Variants in CACNG2 observed in about 807,000 individuals in gnomAD.
The protein encoded by CACNG2 is voltage-dependent calcium channel gamma-2 subunit.
CACNG2 carries 3 observed loss-of-function variants against 25.9 expected under a neutral mutation model. That is an observed-to-expected ratio of 0.12 (90% confidence interval 0.05 to 0.30). The LOEUF is 0.30. CACNG2 is among the 10% of genes least tolerant of loss of function. CACNG2 has a pLI of 1.00. For synonymous variants in CACNG2, 167 were observed against 173.3 expected, an observed-to-expected ratio of 0.96 and a Z score of 0.29; for missense variants, 341 against 432.5, an observed-to-expected ratio of 0.79 and a Z score of 1.88.
intron 1 of CACNG2, among the ~76,000 whole-genome samples, chr22:36,701,848 G>A (rs1380811523): frequency 6.6e-6 from 1 of 152,104 alleles, no homozygotes; most frequent in African/African-American, 2.4e-5. Context: ...TACCAAATAA[G>A]GATTCTTAGA....
At chr22:36,582,523 A>G (rs778195764) in intron 2 of CACNG2, among the ~76,000 whole-genome samples, 1 of 151,218 alleles carries the variant, frequency 6.6e-6, no homozygotes, top group Non-Finnish European at 1.5e-5. Context: ...TTCCTGCCTC[A>G]GCCTCCTGAG....
At chr22:36,590,635 C>A (rs887846510) in intron 1 of CACNG2, among the ~76,000 whole-genome samples, 1 of 152,192 alleles carries the variant, frequency 6.6e-6, no homozygotes, top group Non-Finnish European at 1.5e-5. Flanking sequence ...GCCGCGGCCT[C>A]CCCACTCATC....
At chr22:36,673,191 A>G (rs1936975906) in intron 1 of CACNG2, among the ~76,000 whole-genome samples, 1 of 152,158 alleles carries the variant, frequency 6.6e-6, no homozygotes, top group African/African-American at 2.4e-5. Context: ...GTGCCACTGC[A>G]CTCCAGCCTG....
At chr22:36,571,194 T>C (rs910570311) in intron 2 of CACNG2, among the ~76,000 whole-genome samples, 2 of 152,008 alleles carry the variant, frequency 1.3e-5, no homozygotes, top group Non-Finnish European at 2.9e-5. Flanking sequence ...TGGTGGCTCA[T>C]GCCTGTAATC....
At chr22:36,653,609 C>T (rs755048574) in intron 1 of CACNG2, among the ~76,000 whole-genome samples, 5 of 152,122 alleles carry the variant, frequency 3.3e-5, no homozygotes, top group South Asian at 4.1e-4. Flanking sequence ...ACAACAGAGC[C>T]GGATGATCTG....
At chr22:36,624,539 C>A (rs759473556) in intron 1 of CACNG2, among the ~76,000 whole-genome samples, 4 of 152,140 alleles carry the variant, frequency 2.6e-5, no homozygotes, top group Non-Finnish European at 5.9e-5. Flanking sequence ...AAACTGTCTC[C>A]CTCCCTGCAT....
chr22:36,673,687 G>T (rs1038075590), intron 1 of CACNG2, among the ~76,000 whole-genome samples: 3 of 152,166 alleles, frequency 2.0e-5, no homozygotes, highest in Non-Finnish European at 4.4e-5. Flanking sequence ...AGCCAGAGCA[G>T]AGGACCGCAG....
At chr22:36,593,280 T>A (rs926543) in intron 1 of CACNG2, among the ~76,000 whole-genome samples, 1 of 152,182 alleles carries the variant, frequency 6.6e-6, no homozygotes, top group Admixed American at 6.5e-5. Context: ...GGGGCTGATT[T>A]CCTGGTTGTG....
intron 1 of CACNG2, among the ~76,000 whole-genome samples, chr22:36,640,726 C>G (rs1936432129): frequency 1.3e-5 from 2 of 152,218 alleles, no homozygotes; most frequent in African/African-American, 4.8e-5. Context: ...TCCTGTGCAG[C>G]CTGTCCACCC....
At chr22:36,671,279 T>C (rs1255860030) in intron 1 of CACNG2, among the ~76,000 whole-genome samples, 3 of 152,222 alleles carry the variant, frequency 2.0e-5, no homozygotes, top group Admixed American at 1.3e-4. Context: ...AACCTTGTAG[T>C]AATACATTCT....
rs1256247025 is a variant in CACNG2, at chr22:36,568,055, G to C, written c.296-1562C>G. On this transcript the variant is annotated intron_variant, in intron 2 of 3. Coordinates refer to ENST00000300105, the MANE Select transcript of CACNG2 (RefSeq NM_006078.5). ...AGTAGAGATGGGGTTTCACTATGTT[G>C]GCCAGGCTGGTCTCAAACTCTTGAC... 2.6e-5 allele frequency among the ~76,000 whole-genome samples: 4 copies of C among 152,210 alleles called. No individual in the cohort carries two copies. In the East Asian group the frequency reaches 7.7e-4, roughly 29 times the overall value.
intron 1 of CACNG2, among the ~76,000 whole-genome samples, chr22:36,676,160 G>T (rs897479777): frequency 6.6e-6 from 1 of 152,176 alleles, no homozygotes; most frequent in Non-Finnish European, 1.5e-5. Flanking sequence ...ATATCTCTTG[G>T]GGGTATTTGC....
At chr22:36,602,629 G>A (rs950781829) in intron 1 of CACNG2, among the ~76,000 whole-genome samples, 4 of 152,074 alleles carry the variant, frequency 2.6e-5, no homozygotes, top group Admixed American at 6.5e-5. Flanking sequence ...CAGGTGATCC[G>A]CCTGCCTCAG....
intron 1 of CACNG2, among the ~76,000 whole-genome samples, chr22:36,610,454 G>A (rs143770063): frequency 6.6e-6 from 1 of 152,230 alleles, no homozygotes; most frequent in Admixed American, 6.5e-5. Context: ...GTAAAGAGTG[G>A]TATTGAGACT....
intron 1 of CACNG2, among the ~76,000 whole-genome samples, chr22:36,608,077 C>T (rs945738081): frequency 3.9e-5 from 6 of 151,936 alleles, no homozygotes; most frequent in East Asian, 3.9e-4. Context: ...GGTTGATATC[C>T]GGGTAAGTGT....
chr22:36,654,505 T>C (rs1204237711), intron 1 of CACNG2, among the ~76,000 whole-genome samples: 3 of 152,154 alleles, frequency 2.0e-5, no homozygotes, highest in African/African-American at 7.2e-5. Flanking sequence ...GTGCTGAAAT[T>C]ACAGGTGTGA....
intron 1 of CACNG2, among the ~76,000 whole-genome samples, chr22:36,630,874 A>G (rs541738181): frequency 6.6e-6 from 1 of 152,298 alleles, no homozygotes; most frequent in East Asian, 1.9e-4. Flanking sequence ...TCTGTCACCC[A>G]GGCTGGTGTG....
chr22:36,572,207 A>G (rs535672671), intron 2 of CACNG2, among the ~76,000 whole-genome samples: 53 of 152,302 alleles, frequency 3.5e-4, no homozygotes, highest in African/African-American at 1.3e-3. Flanking sequence ...TTGTTCTAAG[A>G]GCGGTGTAAA....
rs146162292 is a variant in CACNG2 at position 36,570,433 on chromosome 22, TG to T, written c.296-3941del. On this transcript the variant is annotated intron_variant, in intron 2 of 3. Transcript: ENST00000300105. Reference sequence around the variant, plus strand: ...GCACAGAAGAGCCAGCCCCAAGCTCTGGCCTTTCGTGGAAGAGGCCTCTTTG... The same window carrying T: ...GCACAGAAGAGCCAGCCCCAAGCTCTGCCTTTCGTGGAAGAGGCCTCTTTG... Among the ~76,000 whole-genome samples, 503 of 152,316 alleles carry T rather than the reference TG, an allele frequency of 3.3e-3. 3 individuals are homozygous for T. Among genetic ancestry groups the T allele is most frequent in the Non-Finnish European group, 5.4e-3 (369 of 68,036 alleles).
Sources: gnomAD v4.1 joint callset for allele counts (sites outside exome capture counted in the v4.1 genomes callset) on GRCh38, gnomAD v4.1.1 for gene constraint, MANE v1.5 for transcripts, NCBI Gene and HGNC (gene_info 2026-07-23, HGNC 2026-07-21) for gene names.